Variants in FANCM observed in about 807,000 individuals in gnomAD.
FANCM encodes the protein FA complementation group M, also known as Fanconi anemia group M protein.
FANCM carries 140 observed loss-of-function variants against 199.5 expected under a neutral mutation model. The ratio of observed to expected loss-of-function variants is 0.70; its 90% CI spans 0.61 to 0.81. The LOEUF is 0.81. FANCM is among the 30% of genes least tolerant of loss of function. The pLI is 0.00. For synonymous variants in FANCM, 840 were observed against 836.8 expected (o/e 1.00, Z -0.07); for missense variants, 2,410 against 2,421.4 (o/e 1.00, Z 0.10).
chr14:45,188,674 G>T, intron 19 of FANCM, 128 bp from the exon 20 acceptor site: 2 of 704,612 alleles, frequency 2.8e-6, no homozygotes, highest in Non-Finnish European at 4.8e-6. Flanking sequence ...TGTTAGTTGA[G>T]TAAGTGGCTG....
At chr14:45,162,548 AC>A (rs1395745412) in intron 9 of FANCM, among the ~76,000 whole-genome samples, 1 of 152,230 alleles carries the variant, frequency 6.6e-6, no homozygotes, top group Non-Finnish European at 1.5e-5. Context: ...CTAAACCCTT[AC>A]TTTCAGTTAT....
chr14:45,148,200 A>AAAACAC (rs376352737), intron 3 of FANCM, among the ~76,000 whole-genome samples: 2 of 142,354 alleles, frequency 1.4e-5, no homozygotes, highest in African/African-American at 5.2e-5. Flanking sequence ...CCGTCTCAAA[A>AAAACAC]ACACACACAC....
intron 13 of FANCM, among the ~76,000 whole-genome samples, chr14:45,173,883 G>A (rs973849809): frequency 3.3e-5 from 5 of 152,246 alleles, no homozygotes; most frequent in African/African-American, 4.8e-5. Flanking sequence ...ATGCATACAT[G>A]TAAATAAAGT....
chr14:45,166,348 A>T (rs1364046662), intron 10 of FANCM, among the ~76,000 whole-genome samples: 1 of 151,762 alleles, frequency 6.6e-6, no homozygotes, highest in Non-Finnish European at 1.5e-5. Context: ...CATATTGGCG[A>T]GGCTGATCTT....
intron 20 of FANCM, among the ~76,000 whole-genome samples, chr14:45,191,587 A>T (rs905346019): frequency 6.6e-6 from 1 of 151,796 alleles, no homozygotes; most frequent in African/African-American, 2.4e-5. Flanking sequence ...TAAAAAATAG[A>T]TATAGGATAG....
intron 20 of FANCM, chr14:45,195,575 A>G: frequency 2.2e-6 from 1 of 456,488 alleles, no homozygotes; most frequent in Non-Finnish European, 4.4e-6. Context: ...TACTTTGGAA[A>G]GGAAAGCTGG....
chr14:45,171,951 G>A (rs1349856360), intron 12 of FANCM, among the ~76,000 whole-genome samples: 2 of 152,056 alleles, frequency 1.3e-5, no homozygotes, highest in African/African-American at 2.4e-5. Context: ...TTGCCTAGTA[G>A]CTGTACTAAT....
At chr14:45,164,659 C>A in intron 10 of FANCM, 94 bp downstream of exon 10, 2 of 973,908 alleles carry the variant, frequency 2.1e-6, no homozygotes, top group South Asian at 1.4e-5. Context: ...CAAGTCCAAA[C>A]ACTCTGTAGA....
chr14:45,142,470 C>A (rs1886045481), intron 3 of FANCM, among the ~76,000 whole-genome samples: 1 of 151,824 alleles, frequency 6.6e-6, no homozygotes, highest in Non-Finnish European at 1.5e-5. Context: ...CCATGCCCGG[C>A]TAATTTTTTG....
rs1566775466 is a variant in FANCM, at chr14:45,183,763, AATT to A, written c.4387-5_4387-3del. 1.2e-6 allele frequency: 2 copies of A among 1,601,678 alleles called. No individual in the cohort carries two copies. The highest frequency in any genetic ancestry group is 1.7e-6 in the Non-Finnish European group (2 of 1,170,280). ...TTTTTCTTATGCAAGAATTTTGTCG[AATT>A]ATTATAGTCAGAATTATCATCTAGT... On this transcript the variant is annotated splice_polypyrimidine_tract_variant and splice_region_variant and intron_variant, in intron 16 of 22. Coordinates refer to ENST00000267430, the MANE Select transcript of FANCM (RefSeq NM_020937.4).
chr14:45,181,702 CAG>C lies in FANCM; in HGVS notation c.4386_4386+1del. Reference sequence around the variant, plus strand: ...TCAAAAAGCGCAGATTTCCTATAAACAGAGTAAGTAAATACCAGGTAATGTAT... The same window carrying C: ...TCAAAAAGCGCAGATTTCCTATAAACAGTAAGTAAATACCAGGTAATGTAT... The part of the protein sequence containing the change: ...AVKKRRFPIN[R>X]SELSSSDESE... On this transcript the variant is annotated frameshift_variant and splice_region_variant, in exon 16 of 23. Coordinates refer to ENST00000267430, the MANE Select transcript of FANCM (RefSeq NM_020937.4). LOFTEE classifies it high-confidence loss of function. 1.3e-6 allele frequency: 2 copies of C among 1,598,306 alleles called. No homozygotes were observed. The highest frequency in any genetic ancestry group is 1.7e-6 in the Non-Finnish European group (2 of 1,166,814).
chr14:45,176,916 C>G lies in FANCM; in HGVS notation c.4162C>G (p.Leu1388Val), dbSNP rs769653358. ...AACTTTTGATTATTCAGAATTTTCT[C>G]TAGAAAAGTCTAAAAGCAGTGGTCC... Reference protein sequence around the residue: ...NSTFDYSEFSLEKSKSSGPMY... With the variant: ...NSTFDYSEFSVEKSKSSGPMY... The change falls in exon 14 of 23, where the codon CTA (leucine) becomes GTA (valine). Residue 1388 changes from leucine to valine, a missense_variant. Coordinates refer to ENST00000267430, the MANE Select transcript of FANCM (RefSeq NM_020937.4). The G allele has an allele frequency of 7.4e-6, 12 of 1,611,174 alleles. No individual in the cohort carries two copies. Among genetic ancestry groups the G allele is most frequent in the Non-Finnish European group, 9.3e-6 (11 of 1,177,820 alleles).
intron 22 of FANCM, among the ~76,000 whole-genome samples, 156 bp from the exon 23 acceptor site, chr14:45,199,713 CT>C (rs1361897668): frequency 6.6e-6 from 1 of 152,186 alleles, no homozygotes; most frequent in Non-Finnish European, 1.5e-5. Context: ...ACAAGTAGCT[CT>C]TTTATCCAAA....
At chr14:45,166,235 G>T (rs563090280) in intron 10 of FANCM, among the ~76,000 whole-genome samples, 1 of 151,692 alleles carries the variant, frequency 6.6e-6, no homozygotes, top group African/African-American at 2.4e-5. Flanking sequence ...GAGTTCAAGC[G>T]ATTCTCCTGT....
chr14:45,137,195 T>A lies in FANCM; in HGVS notation c.635T>A (p.Val212Asp), dbSNP rs1277508701. 6.2e-7 allele frequency: 1 copy of A among 1,613,678 alleles called. No homozygotes were observed. Among genetic ancestry groups the A allele is most frequent in the East Asian group, 2.2e-5 (1 of 44,860 alleles). Reference sequence around the variant, plus strand: ...CCCGCTGCTGAAATAAAGTGTTTAGTTATTGATGAAGCTCATAAAGCTCTC... The same window carrying A: ...CCCGCTGCTGAAATAAAGTGTTTAGATATTGATGAAGCTCATAAAGCTCTC... ...ACPAAEIKCL[V>D]IDEAHKALGN... Residue 212 changes from valine to aspartate, a missense_variant, in exon 2 of 23, where the codon GTT becomes GAT. Transcript: ENST00000267430.
chr14:45,175,144 C>T lies in FANCM; in HGVS notation c.2390C>T (p.Pro797Leu). 3 of 1,611,588 alleles carry T rather than the reference C, an allele frequency of 1.9e-6. No homozygotes were observed. Among genetic ancestry groups the T allele is most frequent in the Non-Finnish European group, 2.5e-6 (3 of 1,178,584 alleles). Residue 797 changes from proline (P) to leucine (L), a missense_variant, in exon 14 of 23, where the codon CCC becomes CTC. Coordinates refer to ENST00000267430, the MANE Select transcript of FANCM (RefSeq NM_020937.4). ...GATGTTACCTCAACATTTATTGCTC[C>T]CAGGAATGAATCTAATAATCTTGCC... ...MEDVTSTFIA[P>L]RNESNNLASD...
At chr14:45,168,082 C>G (rs988152455) in intron 11 of FANCM, among the ~76,000 whole-genome samples, 2 of 152,048 alleles carry the variant, frequency 1.3e-5, no homozygotes, top group Non-Finnish European at 2.9e-5. Flanking sequence ...TAACAGTTCT[C>G]TATATATTTG....
At chr14:45,182,077 A>G (rs1889108427) in intron 16 of FANCM, among the ~76,000 whole-genome samples, 1 of 152,234 alleles carries the variant, frequency 6.6e-6, no homozygotes, top group Non-Finnish European at 1.5e-5. Flanking sequence ...TAGGAGAGAC[A>G]GAGAAGTAAA....
intron 3 of FANCM, among the ~76,000 whole-genome samples, chr14:45,148,257 T>C (rs1056718328): frequency 2.7e-4 from 41 of 150,352 alleles, no homozygotes; most frequent in Non-Finnish European, 5.3e-4. Flanking sequence ...AATTTTTACA[T>C]ACTCTCAGGA....
Sources: allele counts gnomAD v4.1 joint callset (sites outside exome capture counted in the v4.1 genomes callset), GRCh38; gene constraint gnomAD v4.1.1; transcripts MANE v1.5; gene names NCBI Gene and HGNC (gene_info 2026-07-23, HGNC 2026-07-21).